Variants in KNTC1 observed in about 807,000 individuals in gnomAD.
The protein encoded by KNTC1 is kinetochore-associated protein 1.
Under a neutral mutation model 314.4 loss-of-function variants are expected in KNTC1, and 253 were observed. The ratio of observed to expected loss-of-function variants is 0.80; its 90% CI spans 0.73 to 0.89. KNTC1 has a LOEUF of 0.89. Ranked by LOEUF, KNTC1 falls within the 40% of genes least tolerant of loss-of-function variation. KNTC1 has a pLI of 0.00. For synonymous variants in KNTC1, 901 were observed against 901.4 expected, an observed-to-expected ratio of 1.00 and a Z score of 0.01; for missense variants, 2,475 against 2,572.9, an observed-to-expected ratio of 0.96 and a Z score of 0.82.
Position 122,549,837 on chromosome 12 carries a change from T to C in KNTC1, c.1059T>C (p.Ser353=). The change falls in exon 13 of 64, where the codon TCT becomes TCC. Residue 353 remains serine (S), a synonymous_variant. Transcript: ENST00000333479. The part of the protein sequence containing the change: ...ILYSLEVSSV[S]SLVQTGISTD... ...ATTCTTTGGAAGTATCTAGTGTTTC[T>C]TCTCTGGTCCAAACAGGAATTAGCA... The C allele has an allele frequency of 6.4e-7, 1 of 1,567,270 alleles. No homozygotes were observed. Among genetic ancestry groups the C allele is most frequent in the Non-Finnish European group, 8.7e-7 (1 of 1,146,488 alleles).
At chr12:122,622,924 G>A (rs1186430516) in intron 62 of KNTC1, among the ~76,000 whole-genome samples, 2 of 151,826 alleles carry the variant, frequency 1.3e-5, no homozygotes, top group Non-Finnish European at 2.9e-5. Context: ...CTCCAGCCTG[G>A]GCAACAGGAG....
intron 18 of KNTC1, among the ~76,000 whole-genome samples, chr12:122,561,314 CAAA>C (rs965907707): frequency 8.4e-5 from 12 of 142,964 alleles, no homozygotes; most frequent in African/African-American, 2.6e-4. Flanking sequence ...GACCCTATCT[CAAA>C]AAAAAAAATA....
In KNTC1 at chr12:122,605,092, G is replaced by T; in HGVS notation, c.5386+5G>T. The T allele has an allele frequency of 6.2e-7, 1 of 1,600,146 alleles. No homozygotes were observed. The highest frequency in any genetic ancestry group is 1.1e-5 in the South Asian group (1 of 88,664). ...CATCTGGCACAGATTATCCTGGTGA[G>T]GACAAAACAATTTTTTTGTTGTCCA... On this transcript the variant is annotated splice_donor_5th_base_variant and intron_variant, in intron 50 of 63. Transcript: ENST00000333479.
At chr12:122,560,504 C>G (rs959518552) in intron 18 of KNTC1, among the ~76,000 whole-genome samples, 1 of 152,148 alleles carries the variant, frequency 6.6e-6, no homozygotes, top group Admixed American at 6.6e-5. Flanking sequence ...TCCCAAGTAG[C>G]TGGGATTACA....
At chr12:122,562,436 G>GTTTT (rs1262108873) in intron 19 of KNTC1, among the ~76,000 whole-genome samples, 18 of 116,628 alleles carry the variant, frequency 1.5e-4, no homozygotes, top group African/African-American at 6.1e-4. Context: ...CTTATCCCAT[G>GTTTT]TTTTGTGTGT....
chr12:122,621,393 C>T (rs905970881), intron 60 of KNTC1, among the ~76,000 whole-genome samples: 2 of 152,084 alleles, frequency 1.3e-5, no homozygotes, highest in Admixed American at 1.3e-4. Flanking sequence ...TCTCTGTCAC[C>T]CAGGCTGGAG....
rs540797880 is a variant in KNTC1 at position 122,624,555 on chromosome 12, A to G, written c.6516-43A>G. 4.9e-6 allele frequency: 7 copies of G among 1,442,792 alleles called. No homozygotes were observed. In the Admixed American group the frequency reaches 7.0e-5, roughly 14 times the overall value. 89.4% of individuals were successfully genotyped at this position (1,442,792 alleles called of 1,614,324 possible). On this transcript the variant is annotated intron_variant, in intron 62 of 63. Transcript: ENST00000333479. ...AGTGCCGGGATTGTAGGCACAAGGC[A>G]CTGTGCTTGGCCTAACACTTCTTTT...
intron 42 of KNTC1, 66 bp downstream of exon 42, chr12:122,591,519 G>C: frequency 1.2e-6 from 1 of 859,724 alleles, no homozygotes; most frequent in South Asian, 1.4e-5. Flanking sequence ...TTAAAACAAA[G>C]ATTCTGTTGT....
chr12:122,549,825 A>T lies in KNTC1; in HGVS notation c.1047A>T (p.Val349=). ...PTMEILYSLE[V]SSVSSLVQTG... is the part of the protein sequence containing the mutation. The stretch of plus-strand genomic sequence containing the variant: ...TGGAAATACTATATTCTTTGGAAGT[A>T]TCTAGTGTTTCTTCTCTGGTCCAAA... The change falls in exon 13 of 64, where the codon GTA becomes GTT. Residue 349 remains valine (V), a synonymous_variant. Coordinates refer to ENST00000333479, the MANE Select transcript of KNTC1 (RefSeq NM_014708.6). 4 of 1,575,186 alleles carry T rather than the reference A, an allele frequency of 2.5e-6. No individual in the cohort carries two copies. Among genetic ancestry groups the T allele is most frequent in the Non-Finnish European group, 3.5e-6 (4 of 1,153,590 alleles).
In KNTC1 at chr12:122,579,972, A is replaced by C. The variant is rs763878615; in HGVS notation, c.2909A>C (p.Gln970Pro). The C allele has an allele frequency of 1.2e-6, 2 of 1,602,052 alleles. No individual in the cohort carries two copies. Among genetic ancestry groups the C allele is most frequent in the South Asian group, 1.1e-5 (1 of 90,710 alleles). ...ATTCTTAAGATACTATGTGACATTC[A>C]GAAAGGTAGCTTTTACTTCTGTTTT... ...VDILKILCDI[Q>P]KDNLQKKDEC... The change falls in exon 32 of 64, where the codon CAG becomes CCG. Residue 970 changes from glutamine to proline, a missense_variant. Coordinates refer to ENST00000333479, the MANE Select transcript of KNTC1 (RefSeq NM_014708.6).
At position 122,582,928 on chromosome 12, in the gene KNTC1, A is replaced by G; in HGVS notation, c.3206A>G (p.Glu1069Gly). ...LQMSKQELEA[E>G]LTLRALKDGN... ...ATGTCCAAACAAGAGCTGGAGGCAG[A>G]GCTGACCTTGAGAGCCTTAAAAGAT... The change falls in exon 34 of 64, where the codon GAG becomes GGG. Residue 1069 changes from glutamate to glycine, a missense_variant. Glu to Gly is a moderately conservative substitution (Grantham distance 98). Coordinates refer to ENST00000333479, the MANE Select transcript of KNTC1 (RefSeq NM_014708.6). 1 of 1,613,694 alleles carries G rather than the reference A, an allele frequency of 6.2e-7. No individual in the cohort carries two copies. The highest frequency in any genetic ancestry group is 8.5e-7 in the Non-Finnish European group (1 of 1,179,770).
intron 26 of KNTC1, 141 bp from the exon 27 acceptor site, chr12:122,574,141 T>G (rs1964874957): frequency 5.4e-6 from 3 of 560,082 alleles, no homozygotes; most frequent in Middle Eastern, 8.0e-4. Context: ...GTTCAACATT[T>G]ATGACTAATT....
intron 28 of KNTC1, 59 bp downstream of exon 28, chr12:122,575,705 G>A: frequency 6.7e-7 from 1 of 1,482,116 alleles, no homozygotes; most frequent in Non-Finnish European, 9.3e-7. Flanking sequence ...TGTGTTTTGA[G>A]TTGACGTTCA....
At chr12:122,600,817 C>T (rs1232192942) in intron 44 of KNTC1, among the ~76,000 whole-genome samples, 3 of 152,022 alleles carry the variant, frequency 2.0e-5, no homozygotes, top group Admixed American at 1.3e-4. Context: ...AGGTGAATGC[C>T]ACCACACCCA....
intron 3 of KNTC1, among the ~76,000 whole-genome samples, chr12:122,536,771 G>A (rs983588773): frequency 6.6e-6 from 1 of 152,140 alleles, no homozygotes; most frequent in Non-Finnish European, 1.5e-5. Flanking sequence ...ACCCACCTTG[G>A]CCTCCCAAAG....
chr12:122,616,249 T>C (rs1873752248), intron 57 of KNTC1, among the ~76,000 whole-genome samples: 1 of 152,018 alleles, frequency 6.6e-6, no homozygotes, highest in South Asian at 2.1e-4. Flanking sequence ...CAATTTCCTA[T>C]GTATTCTAGA....
At chr12:122,549,388 T>G (rs996914111) in intron 12 of KNTC1, among the ~76,000 whole-genome samples, 4 of 151,586 alleles carry the variant, frequency 2.6e-5, no homozygotes, top group Non-Finnish European at 5.9e-5. Context: ...GTCGCTCTGT[T>G]GCCCAGGCCG....
Position 122,598,012 on chromosome 12 carries a change from C to T in KNTC1, c.4563+74C>T. 3.7e-6 allele frequency: 4 copies of T among 1,079,756 alleles called. No individual in the cohort carries two copies. In the South Asian group the frequency reaches 3.9e-5, roughly 11 times the overall value. 66.9% of individuals were successfully genotyped at this position (1,079,756 alleles called of 1,614,324 possible). A position where few individuals can be genotyped will look rare whatever the true frequency, so the allele number is the denominator to read the frequency against. On this transcript the variant is annotated intron_variant, in intron 44 of 63. Transcript: ENST00000333479. The stretch of plus-strand genomic sequence containing the variant: ...CCTTAATAATTAGATACATTAGTAA[C>T]AAATTGGATGTATAAGTCTATATTT...
At chr12:122,603,329 T>C in intron 48 of KNTC1, 86 bp downstream of exon 48, 1 of 937,384 alleles carries the variant, frequency 1.1e-6, no homozygotes, top group East Asian at 2.6e-5. Context: ...GATGGTAGTT[T>C]TCAAATGTAT....
Sources: allele counts gnomAD v4.1 joint callset (sites outside exome capture counted in the v4.1 genomes callset), GRCh38; gene constraint gnomAD v4.1.1; transcripts MANE v1.5; gene names NCBI Gene and HGNC (gene_info 2026-07-23, HGNC 2026-07-21).